The following STK31 variants were observed in gnomAD, a reference collection of about 807,000 sequenced individuals.
The protein encoded by STK31 is serine/threonine kinase 31, also known as serine/threonine-protein kinase 31.
In STK31, 89 loss-of-function variants were observed where a neutral mutation model predicts 129.7. That is an observed-to-expected ratio of 0.69 (90% confidence interval 0.58 to 0.82). The LOEUF is 0.82. STK31 is among the 40% of genes least tolerant of loss of function. The probability of loss-of-function intolerance (pLI) is 0.00; values close to 1 mark genes in which losing one functional copy is unlikely to be tolerated. For missense variants in STK31, 1,187 were observed against 1,176.4 expected (o/e 1.01, Z -0.13); for synonymous variants, 448 against 395.3 (o/e 1.13, Z -1.58).
At chr7:23,735,979 G>C (rs760055130) in intron 7 of STK31, 83 bp downstream of exon 7, 21 of 1,187,626 alleles carry the variant, frequency 1.8e-5, no homozygotes, top group Non-Finnish European at 2.3e-5. Context: ...TTATGCTTTT[G>C]GAATCCTTTA....
chr7:23,823,943 T>G (rs1403874081), intron 23 of STK31, among the ~76,000 whole-genome samples: 1 of 152,202 alleles, frequency 6.6e-6, no homozygotes, highest in Non-Finnish European at 1.5e-5. Flanking sequence ...CTCTGTTCTG[T>G]TCCATTGGTC....
intron 4 of STK31, chr7:23,722,287 T>C (rs770248993): frequency 6.6e-6 from 1 of 152,646 alleles, no homozygotes; most frequent in Non-Finnish European, 1.5e-5. Context: ...TTGTTAGTTT[T>C]CCTTCTAACA....
chr7:23,750,258 G>T (rs138665713), intron 8 of STK31, among the ~76,000 whole-genome samples: 162 of 152,144 alleles, frequency 1.1e-3, no homozygotes, highest in African/African-American at 3.8e-3. Context: ...CAGTTTGTCA[G>T]CAGTCCAGGT....
At chr7:23,760,755 G>T (rs1544729) in intron 10 of STK31, among the ~76,000 whole-genome samples, 39,201 of 151,954 alleles carry the variant, frequency 0.26, 5,481 homozygotes, top group African/African-American at 0.37. Context: ...AACCTCCAGG[G>T]CACAAGAGAT....
chr7:23,710,561 G>A, intron 1 of STK31: 1 of 1,401,286 alleles, frequency 7.1e-7, no homozygotes, highest in South Asian at 1.5e-5. Flanking sequence ...TGATCTCCAT[G>A]AAGACGCGGT....
intron 6 of STK31, among the ~76,000 whole-genome samples, chr7:23,730,087 C>T (rs1424709066): frequency 2.6e-5 from 4 of 152,070 alleles, no homozygotes; most frequent in Non-Finnish European, 4.4e-5. Flanking sequence ...TTCTGGAAGA[C>T]GTTCGATAAT....
intron 10 of STK31, chr7:23,755,341 G>C (rs185820858): frequency 6.6e-6 from 1 of 152,098 alleles, no homozygotes; most frequent in African/African-American, 2.4e-5. Flanking sequence ...TTTTTGATGG[G>C]GTTGTCTTTT....
chr7:23,767,760 GAA>G (rs1789922095), intron 11 of STK31, among the ~76,000 whole-genome samples: 1 of 152,084 alleles, frequency 6.6e-6, no homozygotes, highest in African/African-American at 2.4e-5. Context: ...AAGAGCCTAT[GAA>G]AAAAGTTTTC....
At chr7:23,810,729 TAG>T (rs1160949134) in intron 22 of STK31, among the ~76,000 whole-genome samples, 453 of 32,966 alleles carry the variant, frequency 0.014, 10 homozygotes, top group African/African-American at 0.04. Flanking sequence ...ATATATAAAA[TAG>T]ATATATATAA....
At position 23,754,606 on chromosome 7, in the gene STK31, G is replaced by A. The variant is rs373070790; in HGVS notation, c.1293+132G>A. ...AGATTTGTTACATAGGTATACATGC[G>A]CCGTGGTAGTTTGCTGCACCTGTCC... On this transcript the variant is annotated intron_variant, in intron 10 of 23. Coordinates refer to ENST00000355870, the MANE Select transcript of STK31 (RefSeq NM_031414.5). 1,072 of 969,902 alleles carry A rather than the reference G, an allele frequency of 1.1e-3. 1 individual carries two copies. Among genetic ancestry groups the A allele is most frequent in the South Asian group, 1.6e-3 (85 of 53,422 alleles). The allele number at this position is 969,902 out of a possible 1,614,324, so 60.1% of individuals were successfully genotyped here.
Position 23,797,686 on chromosome 7 carries a change from A to G in STK31, c.2760+6740A>G, listed in dbSNP as rs545818533. Among the ~76,000 whole-genome samples, 8 of 152,316 alleles carry G rather than the reference A, an allele frequency of 5.3e-5. No homozygotes were observed. The South Asian group carries it at 1.0e-3, about 20-fold the overall frequency. On this transcript the variant is annotated intron_variant, in intron 22 of 23. Coordinates refer to ENST00000355870, the MANE Select transcript of STK31 (RefSeq NM_031414.5). The stretch of plus-strand genomic sequence containing the variant: ...AAAGATCTAAAATCGACACCCTAAC[A>G]TCACAATTAAAAGATCTACAGAAGC...
chr7:23,791,397 T>A, intron 22 of STK31: 3 of 662,390 alleles, frequency 4.5e-6, no homozygotes, highest in Non-Finnish European at 5.6e-6. Context: ...CTGCATGTTC[T>A]CACTTATAAG....
intron 23 of STK31, among the ~76,000 whole-genome samples, chr7:23,820,008 T>TAGTGTCAA (rs1793707308): frequency 6.6e-6 from 1 of 152,202 alleles, no homozygotes; most frequent in Admixed American, 6.5e-5. Flanking sequence ...GACATTTTAA[T>TAGTGTCAA]AGTGTCAAAT....
At chr7:23,764,655 T>C (rs1789699186) in intron 11 of STK31, among the ~76,000 whole-genome samples, 1 of 152,186 alleles carries the variant, frequency 6.6e-6, no homozygotes, top group Non-Finnish European at 1.5e-5. Flanking sequence ...TAGGTTTTGG[T>C]TGGTTCAGTA....
intron 21 of STK31, among the ~76,000 whole-genome samples, chr7:23,788,339 C>G (rs1325733294): frequency 6.6e-6 from 1 of 152,080 alleles, no homozygotes; most frequent in African/African-American, 2.4e-5. Context: ...TAGGAGCTAC[C>G]TGACATTATA....
rs896192334 is a variant in STK31, at chr7:23,747,530, C to T, written c.1018-5187C>T. Among the ~76,000 whole-genome samples the T allele has an allele frequency of 1.8e-4, 28 of 152,084 alleles. No individual in the cohort carries two copies. In the East Asian group the frequency reaches 3.1e-3, roughly 17 times the overall value. On this transcript the variant is annotated intron_variant, in intron 8 of 23. Coordinates refer to ENST00000355870, the MANE Select transcript of STK31 (RefSeq NM_031414.5). ...GACTACAGGCGCCCGCCACCATGCC[C>T]GGCTAATTTTTGTATTTTTAGTAGA...
intron 22 of STK31, among the ~76,000 whole-genome samples, chr7:23,799,199 C>T (rs1792210722): frequency 1.3e-5 from 2 of 152,150 alleles, no homozygotes; most frequent in Non-Finnish European, 2.9e-5. Flanking sequence ...GTGCTATCCC[C>T]ATCAAGCCAC....
At chr7:23,814,013 A>G (rs922825041) in intron 22 of STK31, among the ~76,000 whole-genome samples, 3 of 150,584 alleles carry the variant, frequency 2.0e-5, no homozygotes, top group African/African-American at 7.3e-5. Flanking sequence ...TTCCAGTTGA[A>G]CCTTCTTGCT....
rs1788743234 is a variant in STK31, at chr7:23,752,010, GT to G, written c.1018-703del. Reference sequence around the variant, plus strand: ...TAGGGAGTAGTGTTTGAGAGATAGAGTTTTAATTAGGAAAGATGAAAAAGTT... The same window carrying G: ...TAGGGAGTAGTGTTTGAGAGATAGAGTTTAATTAGGAAAGATGAAAAAGTT... On this transcript the variant is annotated intron_variant, in intron 8 of 23. Coordinates refer to ENST00000355870, the MANE Select transcript of STK31 (RefSeq NM_031414.5). Among the ~76,000 whole-genome samples, 5 of 152,182 alleles carry G rather than the reference GT, an allele frequency of 3.3e-5. No individual in the cohort carries two copies. In the South Asian group the frequency reaches 1.0e-3, roughly 32 times the overall value.
Sources: allele counts gnomAD v4.1 joint callset (sites outside exome capture counted in the v4.1 genomes callset), GRCh38; gene constraint gnomAD v4.1.1; transcripts MANE v1.5; gene names NCBI Gene and HGNC (gene_info 2026-07-23, HGNC 2026-07-21).